H2BC3: variants seen among roughly 807,000 people sequenced by gnomAD.
The protein encoded by H2BC3 is histone H2B type 1-B.
A neutral mutation model predicts 6.0 loss-of-function variants in H2BC3; 8 were observed. The ratio of observed to expected loss-of-function variants is 1.33; its 90% CI spans 0.78 to 2.40. H2BC3 has a LOEUF of 2.40. H2BC3 is among the 30% of genes most tolerant of loss of function. H2BC3 has a pLI of 0.00. For missense variants in H2BC3, 222 were observed against 163.2 expected (o/e 1.36, Z -1.96); for synonymous variants, 122 against 66.2 (o/e 1.84, Z -4.09).
In H2BC3 at chr6:26,043,291, T is replaced by A; in HGVS notation, c.367A>T (p.Thr123Ser). The A allele has an allele frequency of 6.2e-7, 1 of 1,606,510 alleles. No homozygotes were observed. Among genetic ancestry groups the A allele is most frequent in the Non-Finnish European group, 8.5e-7 (1 of 1,176,630 alleles). Residue 123 changes from threonine (T) to serine (S), a missense_variant, in exon 1 of 1, where the codon ACT (threonine) becomes TCT (serine). Physicochemically the swap from Thr to Ser is moderately conservative, Grantham distance 58. Coordinates refer to ENST00000615966, the MANE Select transcript of H2BC3 (RefSeq NM_021062.3). ...TACATAAGCACTTATTTAGAGCTAG[T>A]GTACTTGGTAACTGCCTTAGTGCCC... is the stretch of plus-strand genomic sequence containing the variant. ...SEGTKAVTKY[T>S]SSK
chr6:26,043,339 G>C lies in H2BC3; in HGVS notation c.319C>G (p.Leu107Val). 6.2e-7 allele frequency: 1 copy of C among 1,614,066 alleles called. No homozygotes were observed. The highest frequency in any genetic ancestry group is 8.5e-7 in the Non-Finnish European group (1 of 1,180,004). ...CCCTCGGACACAGCATGCTTAGCCA[G>C]CTCCCCAGGCAGCAGCAGGCGCACA... ...TAVRLLLPGE[L>V]AKHAVSEGTK... Residue 107 changes from leucine to valine, a missense_variant, in exon 1 of 1, where the codon CTG (leucine) becomes GTG (valine). Leu to Val is a conservative substitution (Grantham distance 32, BLOSUM62 1). Coordinates refer to ENST00000615966, the MANE Select transcript of H2BC3 (RefSeq NM_021062.3).
Position 26,043,406 on chromosome 6 carries a change from G to C in H2BC3, c.252C>G (p.Tyr84Ter). 1 of 1,614,190 alleles carries C rather than the reference G, an allele frequency of 6.2e-7. No individual in the cohort carries two copies. ...IAGEASRLAH[Y>*]NKRSTITSRE... ...TGGAGGTGATGGTCGAGCGCTTATT[G>C]TAGTGAGCCAGGCGAGAAGCCTCGC... The change falls in exon 1 of 1, where the codon TAC becomes TAG. Residue 84 changes from tyrosine (Y) to a stop codon, truncating the protein, a stop_gained. Coordinates refer to ENST00000615966, the MANE Select transcript of H2BC3 (RefSeq NM_021062.3). LOFTEE classifies it high-confidence loss of function.
Position 26,043,270 on chromosome 6 carries a change from T to G in H2BC3, c.*7A>C. On this transcript the variant is annotated 3_prime_UTR_variant, in exon 1 of 1. Transcript: ENST00000615966. ...GCCTTTGGGTTTGGAAGTGCTTACATAAGCACTTATTTAGAGCTAGTGTAC... is the reference window on the plus strand; with the variant it reads ...GCCTTTGGGTTTGGAAGTGCTTACAGAAGCACTTATTTAGAGCTAGTGTAC... 6.3e-7 allele frequency: 1 copy of G among 1,584,148 alleles called. No homozygotes were observed. Among genetic ancestry groups the G allele is most frequent in the South Asian group, 1.1e-5 (1 of 87,070 alleles).
In H2BC3 at chr6:26,043,487, G is replaced by A. The variant is rs747341311; in HGVS notation, c.171C>T (p.Ser57=). The A allele has an allele frequency of 8.2e-5, 133 of 1,614,076 alleles. 1 individual carries two copies. The Middle Eastern group carries it at 1.3e-3, about 16-fold the overall frequency. Residue 57 remains serine (S), a synonymous_variant, in exon 1 of 1, where the codon TCC becomes TCT. Coordinates refer to ENST00000615966, the MANE Select transcript of H2BC3 (RefSeq NM_021062.3). The part of the protein sequence containing the change: ...KQVHPDTGIS[S]KAMGIMNSFV... Reference sequence around the variant, plus strand: ...AGGAATTCATGATCCCCATGGCCTTGGATGAGATGCCGGTGTCGGGGTGGA... The same window carrying A: ...AGGAATTCATGATCCCCATGGCCTTAGATGAGATGCCGGTGTCGGGGTGGA...
rs1761661315 is a variant in H2BC3 at position 26,043,286 on chromosome 6, G to A, written c.372C>T (p.Ser124=). 3 of 1,603,256 alleles carry A rather than the reference G, an allele frequency of 1.9e-6. No individual in the cohort carries two copies. Among genetic ancestry groups the A allele is most frequent in the Non-Finnish European group, 2.6e-6 (3 of 1,175,272 alleles). The change falls in exon 1 of 1, where the codon AGC becomes AGT. Residue 124 remains serine, a synonymous_variant. Transcript: ENST00000615966. The part of the protein sequence containing the change: ...EGTKAVTKYT[S]SK ...GTGCTTACATAAGCACTTATTTAGA[G>A]CTAGTGTACTTGGTAACTGCCTTAG...
rs775762574 is a variant in H2BC3 at position 26,043,678 on chromosome 6, G to A, written c.-21C>T. 64 of 1,560,832 alleles carry A rather than the reference G, an allele frequency of 4.1e-5. No homozygotes were observed. Among genetic ancestry groups the A allele is most frequent in the Admixed American group, 1.6e-4 (8 of 50,070 alleles). ...GGCATTGCTATTCCTAAACAGAATA[G>A]AAAAGCTACTAACACTCTCCACTAC... On this transcript the variant is annotated 5_prime_UTR_variant, in exon 1 of 1. Coordinates refer to ENST00000615966, the MANE Select transcript of H2BC3 (RefSeq NM_021062.3).
At position 26,043,536 on chromosome 6, in the gene H2BC3, T is replaced by C; in HGVS notation, c.122A>G (p.Tyr41Cys). 2 of 1,614,110 alleles carry C rather than the reference T, an allele frequency of 1.2e-6. No individual in the cohort carries two copies. Among genetic ancestry groups the C allele is most frequent in the Non-Finnish European group, 1.7e-6 (2 of 1,179,964 alleles). Residue 41 changes from tyrosine to cysteine, a missense_variant, in exon 1 of 1, where the codon TAT becomes TGT. Coordinates refer to ENST00000615966, the MANE Select transcript of H2BC3 (RefSeq NM_021062.3). The part of the protein sequence containing the change: ...KRSRKESYSI[Y>C]VYKVLKQVHP... ...GACCTGCTTCAGAACCTTGTACACA[T>C]AGATAGAATAGCTCTCCTTGCGGCT...
Position 26,043,228 on chromosome 6 carries a change from A to G in H2BC3, c.*49T>C, listed in dbSNP as rs758093939. ...GTTATAGCTCTCCTTGTGACAAAGTAGGTGGCTCTGAAAAGAGCCTTTGGG... is the reference window on the plus strand; with the variant it reads ...GTTATAGCTCTCCTTGTGACAAAGTGGGTGGCTCTGAAAAGAGCCTTTGGG... On this transcript the variant is annotated 3_prime_UTR_variant, in exon 1 of 1. Coordinates refer to ENST00000615966, the MANE Select transcript of H2BC3 (RefSeq NM_021062.3). 3 of 1,496,504 alleles carry G rather than the reference A, an allele frequency of 2.0e-6. No individual in the cohort carries two copies. The highest frequency in any genetic ancestry group is 2.7e-6 in the Non-Finnish European group (3 of 1,115,226). The allele number at this position is 1,496,504 out of a possible 1,614,324, so 92.7% of individuals were successfully genotyped here. A position where few individuals can be genotyped will look rare whatever the true frequency, so the allele number is the denominator to read the frequency against.
At position 26,043,683 on chromosome 6, in the gene H2BC3, G is replaced by A. The variant is rs375309995; in HGVS notation, c.-26C>T. Reference sequence around the variant, plus strand: ...TGCTATTCCTAAACAGAATAGAAAAGCTACTAACACTCTCCACTACAGAGT... The same window carrying A: ...TGCTATTCCTAAACAGAATAGAAAAACTACTAACACTCTCCACTACAGAGT... On this transcript the variant is annotated 5_prime_UTR_variant, in exon 1 of 1. Transcript: ENST00000615966. 11 of 1,557,072 alleles carry A rather than the reference G, an allele frequency of 7.1e-6. No individual in the cohort carries two copies. Among genetic ancestry groups the A allele is most frequent in the South Asian group, 3.7e-5 (3 of 81,160 alleles).
chr6:26,043,533 A>G lies in H2BC3; in HGVS notation c.125T>C (p.Val42Ala). 1.2e-6 allele frequency: 2 copies of G among 1,614,220 alleles called. No individual in the cohort carries two copies. The highest frequency in any genetic ancestry group is 1.7e-6 in the Non-Finnish European group (2 of 1,180,036). ...RSRKESYSIY[V>A]YKVLKQVHPD... is the part of the protein sequence containing the mutation. Reference sequence around the variant, plus strand: ...GTGGACCTGCTTCAGAACCTTGTACACATAGATAGAATAGCTCTCCTTGCG... The same window carrying G: ...GTGGACCTGCTTCAGAACCTTGTACGCATAGATAGAATAGCTCTCCTTGCG... The change falls in exon 1 of 1, where the codon GTG (valine) becomes GCG (alanine). Residue 42 changes from valine (V) to alanine (A), a missense_variant. Transcript: ENST00000615966.
At position 26,043,493 on chromosome 6, in the gene H2BC3, G is replaced by A. The variant is rs1384908782; in HGVS notation, c.165C>T (p.Ile55=). Residue 55 remains isoleucine (I), a synonymous_variant, in exon 1 of 1, where the codon ATC becomes ATT. Transcript: ENST00000615966. ...TCATGATCCCCATGGCCTTGGATGA[G>A]ATGCCGGTGTCGGGGTGGACCTGCT... ...VLKQVHPDTG[I]SSKAMGIMNS... 8.1e-6 allele frequency: 13 copies of A among 1,614,096 alleles called. No individual in the cohort carries two copies. The highest frequency in any genetic ancestry group is 2.7e-5 in the African/African-American group (2 of 74,942).
chr6:26,043,389 A>G lies in H2BC3; in HGVS notation c.269T>C (p.Ile90Thr). ...RLAHYNKRST[I>T]TSREIQTAVR... ...AGCCGTCTGAATCTCCCTGGAGGTG[A>G]TGGTCGAGCGCTTATTGTAGTGAGC... The change falls in exon 1 of 1, where the codon ATC becomes ACC. Residue 90 changes from isoleucine to threonine, a missense_variant. By Grantham distance (89) the Ile-to-Thr change is moderately conservative. Transcript: ENST00000615966. 1 of 1,614,140 alleles carries G rather than the reference A, an allele frequency of 6.2e-7. No individual in the cohort carries two copies. Among genetic ancestry groups the G allele is most frequent in the Non-Finnish European group, 8.5e-7 (1 of 1,180,034 alleles).
Position 26,043,638 on chromosome 6 carries a change from G to A in H2BC3, c.20C>T (p.Ser7Phe), listed in dbSNP as rs773165770. ...AGAACCCTTTTTAGGGGCTGGAGCA[G>A]ACTTAGAGGGTTCAGGCATTGCTAT... MPEPSK[S>F]APAPKKGSKK... is the part of the protein sequence containing the mutation. Residue 7 changes from serine to phenylalanine, a missense_variant, in exon 1 of 1, where the codon TCT becomes TTT. Coordinates refer to ENST00000615966, the MANE Select transcript of H2BC3 (RefSeq NM_021062.3). 7.5e-6 allele frequency: 12 copies of A among 1,604,168 alleles called. No individual in the cohort carries two copies. In the East Asian group the frequency reaches 2.2e-4, roughly 30 times the overall value.
chr6:26,043,665 C>G lies in H2BC3; in HGVS notation c.-8G>C. ...CTTAGAGGGTTCAGGCATTGCTATTCCTAAACAGAATAGAAAAGCTACTAA... is the reference window on the plus strand; with the variant it reads ...CTTAGAGGGTTCAGGCATTGCTATTGCTAAACAGAATAGAAAAGCTACTAA... On this transcript the variant is annotated 5_prime_UTR_variant, in exon 1 of 1. Coordinates refer to ENST00000615966, the MANE Select transcript of H2BC3 (RefSeq NM_021062.3). The G allele has an allele frequency of 2.5e-6, 4 of 1,575,222 alleles. No individual in the cohort carries two copies. The highest frequency in any genetic ancestry group is 3.4e-6 in the Non-Finnish European group (4 of 1,163,584).
chr6:26,043,694 T>C lies in H2BC3; in HGVS notation c.-37A>G, dbSNP rs374021869. The stretch of plus-strand genomic sequence containing the variant: ...AACAGAATAGAAAAGCTACTAACAC[T>C]CTCCACTACAGAGTAGTACAGAGAA... On this transcript the variant is annotated 5_prime_UTR_variant, in exon 1 of 1. Coordinates refer to ENST00000615966, the MANE Select transcript of H2BC3 (RefSeq NM_021062.3). 1.4e-5 allele frequency: 21 copies of C among 1,543,432 alleles called. No homozygotes were observed. The highest frequency in any genetic ancestry group is 2.2e-5 in the East Asian group (1 of 44,502).
chr6:26,043,398 C>A lies in H2BC3; in HGVS notation c.260G>T (p.Arg87Leu). ...AATCTCCCTGGAGGTGATGGTCGAG[C>A]GCTTATTGTAGTGAGCCAGGCGAGA... The part of the protein sequence containing the change: ...EASRLAHYNK[R>L]STITSREIQT... The change falls in exon 1 of 1, where the codon CGC becomes CTC. Residue 87 changes from arginine (R) to leucine (L), a missense_variant. Transcript: ENST00000615966. 3 of 1,614,138 alleles carry A rather than the reference C, an allele frequency of 1.9e-6. No homozygotes were observed. The highest frequency in any genetic ancestry group is 2.2e-5 in the East Asian group (1 of 44,846).
Position 26,043,693 on chromosome 6 carries a change from C to G in H2BC3, c.-36G>C, listed in dbSNP as rs1201577649. 3.2e-6 allele frequency: 5 copies of G among 1,544,692 alleles called. No individual in the cohort carries two copies. The highest frequency in any genetic ancestry group is 4.4e-6 in the Non-Finnish European group (5 of 1,149,306). ...AAACAGAATAGAAAAGCTACTAACACTCTCCACTACAGAGTAGTACAGAGA... is the reference window on the plus strand; with the variant it reads ...AAACAGAATAGAAAAGCTACTAACAGTCTCCACTACAGAGTAGTACAGAGA... On this transcript the variant is annotated 5_prime_UTR_variant, in exon 1 of 1. Transcript: ENST00000615966.
At chr6:26,043,708 TAGTACAGAGAAC>T in exon 1 of H2BC3, 1 of 1,515,398 alleles carries the variant, frequency 6.6e-7, no homozygotes, top group Non-Finnish European at 8.8e-7. Flanking sequence ...CACTACAGAG[TAGTACAGAGAAC>T]AGTTCAGAGC....
chr6:26,043,613 AGAACCCTTTTTAGGGGCTG>A lies in H2BC3; in HGVS notation c.26_44del (p.Pro9LeufsTer32), dbSNP rs1561922657. 1.2e-6 allele frequency: 2 copies of A among 1,613,226 alleles called. No individual in the cohort carries two copies. On this transcript the variant is annotated frameshift_variant, in exon 1 of 1. Coordinates refer to ENST00000615966, the MANE Select transcript of H2BC3 (RefSeq NM_021062.3). LOFTEE classifies it high-confidence loss of function. ...TCTGCGCCTTAGTGATAGCCTTCTTAGAACCCTTTTTAGGGGCTGGAGCAGACTTAGAGGGTTCAGGCAT... is the reference window on the plus strand; with the variant it reads ...TCTGCGCCTTAGTGATAGCCTTCTTAGAGCAGACTTAGAGGGTTCAGGCAT...
Sources: gnomAD v4.1 joint callset for allele counts on GRCh38, gnomAD v4.1.1 for gene constraint, MANE v1.5 for transcripts, NCBI Gene and HGNC (gene_info 2026-07-23, HGNC 2026-07-21) for gene names.